Variants in LURAP1 observed in about 807,000 individuals in gnomAD.
The protein encoded by LURAP1 is NF-kappa-B activator C1orf190.
LURAP1 carries 14 observed loss-of-function variants against 19.0 expected under a neutral mutation model. That is an observed-to-expected ratio of 0.74 (90% confidence interval 0.49 to 1.15). The LOEUF is 1.15. LURAP1 is among the 50% of genes most tolerant of loss of function. The pLI, the probability that LURAP1 is intolerant of heterozygous loss-of-function variation, is 0.00. For synonymous variants in LURAP1, 129 were observed against 131.8 expected (o/e 0.98, Z 0.14); for missense variants, 273 against 309.1 (o/e 0.88, Z 0.87).
chr1:46,220,440 C>T lies in LURAP1; in HGVS notation c.*220C>T, dbSNP rs1659204358. ...TAGCTTGCTCTTTCTTTCTTTCTTT[C>T]TTTTTTTGAGACAGGGTCTTATGCT... On this transcript the variant is annotated 3_prime_UTR_variant, in exon 2 of 2. Transcript: ENST00000371980. 3.8e-6 allele frequency: 2 copies of T among 531,898 alleles called. No homozygotes were observed. The highest frequency in any genetic ancestry group is 3.5e-5 in the Admixed American group (1 of 28,242). 32.9% of individuals were successfully genotyped at this position (531,898 alleles called of 1,614,324 possible).
chr1:46,203,404 G>C lies in LURAP1; in HGVS notation c.-23G>C. ...CCGGTCCCCGGCGTCCGGTCGCCCA[G>C]CCCTTTTCAGGCTTGGGCCCGCATG... is the stretch of plus-strand genomic sequence containing the variant. On this transcript the variant is annotated 5_prime_UTR_variant, in exon 1 of 2. Transcript: ENST00000371980. 1 of 1,439,270 alleles carries C rather than the reference G, an allele frequency of 6.9e-7. No individual in the cohort carries two copies. Among genetic ancestry groups the C allele is most frequent in the African/African-American group, 1.5e-5 (1 of 67,362 alleles). 89.2% of individuals were successfully genotyped at this position (1,439,270 alleles called of 1,614,324 possible).
rs72899009 is a variant in LURAP1, at chr1:46,214,412, G to A, written c.199-5287G>A. On this transcript the variant is annotated intron_variant, in intron 1 of 1. Coordinates refer to ENST00000371980, the MANE Select transcript of LURAP1 (RefSeq NM_001013615.3). ...AAATGGAGATAATACAGAGAGATAC[G>A]AACTTATAAAAATCATTAAGCATAT... 8.2e-3 allele frequency among the ~76,000 whole-genome samples: 1,250 copies of A among 151,704 alleles called. 18 individuals carry two copies. Among genetic ancestry groups the A allele is most frequent in the Middle Eastern group, 0.037 (11 of 294 alleles).
At chr1:46,205,218 A>G (rs941145616) in intron 1 of LURAP1, among the ~76,000 whole-genome samples, 1 of 152,062 alleles carries the variant, frequency 6.6e-6, no homozygotes, top group Non-Finnish European at 1.5e-5. Context: ...AAATCGCACC[A>G]CTGCACTCCA....
intron 1 of LURAP1, among the ~76,000 whole-genome samples, chr1:46,204,731 G>T (rs537869712): frequency 6.6e-6 from 1 of 152,324 alleles, no homozygotes; most frequent in Non-Finnish European, 1.5e-5. Context: ...AAGGTTGGAG[G>T]TGAGTGCCCA....
chr1:46,212,577 G>A (rs1044787389), intron 1 of LURAP1, among the ~76,000 whole-genome samples: 2 of 151,012 alleles, frequency 1.3e-5, no homozygotes, highest in African/African-American at 2.4e-5. Flanking sequence ...CACTGCACCC[G>A]GCCAAATTTT....
At chr1:46,206,908 T>C (rs948851394) in intron 1 of LURAP1, among the ~76,000 whole-genome samples, 1 of 152,064 alleles carries the variant, frequency 6.6e-6, no homozygotes, top group Non-Finnish European at 1.5e-5. Context: ...ACATTTCTAG[T>C]ACAGGATGAT....
At chr1:46,209,312 C>A (rs1658820494) in intron 1 of LURAP1, among the ~76,000 whole-genome samples, 1 of 152,074 alleles carries the variant, frequency 6.6e-6, no homozygotes, top group African/African-American at 2.4e-5. Context: ...AGCCACCGCC[C>A]CCTGCCAAAG....
chr1:46,203,811 C>T (rs1658626426), intron 1 of LURAP1, among the ~76,000 whole-genome samples, 187 bp downstream of exon 1: 1 of 152,014 alleles, frequency 6.6e-6, no homozygotes, highest in Non-Finnish European at 1.5e-5. Context: ...TACTTGTCCC[C>T]CAAGAGTGAG....
At chr1:46,215,800 G>C (rs1488614984) in intron 1 of LURAP1, among the ~76,000 whole-genome samples, 1 of 152,114 alleles carries the variant, frequency 6.6e-6, no homozygotes, top group African/African-American at 2.4e-5. Flanking sequence ...AGGAGGCTGA[G>C]GCAGGAGGGT....
At chr1:46,212,542 A>G (rs1238720985) in intron 1 of LURAP1, among the ~76,000 whole-genome samples, 2 of 151,522 alleles carry the variant, frequency 1.3e-5, no homozygotes, top group Non-Finnish European at 2.9e-5. Flanking sequence ...TGGCCTCCCA[A>G]AGTGCTGGGA....
At chr1:46,212,437 C>T (rs1372559654) in intron 1 of LURAP1, among the ~76,000 whole-genome samples, 4 of 151,500 alleles carry the variant, frequency 2.6e-5, no homozygotes, top group Non-Finnish European at 4.4e-5. Context: ...TACACTGCCA[C>T]GCCCAGCGAA....
chr1:46,212,570 T>C (rs576325894), intron 1 of LURAP1, among the ~76,000 whole-genome samples: 18 of 150,802 alleles, frequency 1.2e-4, no homozygotes, highest in South Asian at 4.2e-4. Context: ...CGTGAGCCAC[T>C]GCACCCGGCC....
At position 46,203,337 on chromosome 1, in the gene LURAP1, T is replaced by G; in HGVS notation, c.-90T>G. On this transcript the variant is annotated 5_prime_UTR_variant, in exon 1 of 2. Coordinates refer to ENST00000371980, the MANE Select transcript of LURAP1 (RefSeq NM_001013615.3). Reference sequence around the variant, plus strand: ...GCCGCGCGGGCGGGGACCCACCGGTTTTGCTCCGCTTTAGCAGCGGCGAAG... The same window carrying G: ...GCCGCGCGGGCGGGGACCCACCGGTGTTGCTCCGCTTTAGCAGCGGCGAAG... 3 of 1,232,964 alleles carry G rather than the reference T, an allele frequency of 2.4e-6. No individual in the cohort carries two copies. The highest frequency in any genetic ancestry group is 2.2e-6 in the Non-Finnish European group (2 of 924,522). 76.4% of individuals were successfully genotyped at this position (1,232,964 alleles called of 1,614,324 possible). A position where few individuals can be genotyped will look rare whatever the true frequency, so the allele number is the denominator to read the frequency against.
At chr1:46,212,169 T>C (rs1387769564) in intron 1 of LURAP1, among the ~76,000 whole-genome samples, 1 of 152,216 alleles carries the variant, frequency 6.6e-6, no homozygotes, top group Non-Finnish European at 1.5e-5. Context: ...ACAAAAAACA[T>C]TTACTGTGTT....
chr1:46,214,458 A>G (rs1659001248), intron 1 of LURAP1, among the ~76,000 whole-genome samples: 1 of 152,240 alleles, frequency 6.6e-6, no homozygotes, highest in Non-Finnish European at 1.5e-5. Context: ...ATAAAAGATA[A>G]TACTGTAGCC....
intron 1 of LURAP1, among the ~76,000 whole-genome samples, chr1:46,212,264 C>T (rs1454175717): frequency 1.3e-5 from 2 of 151,674 alleles, no homozygotes; most frequent in African/African-American, 4.8e-5. Flanking sequence ...CCATGTATAA[C>T]ATAAACAACC....
At chr1:46,207,948 A>G (rs2148239737) in intron 1 of LURAP1, among the ~76,000 whole-genome samples, 1 of 151,270 alleles carries the variant, frequency 6.6e-6, no homozygotes, top group South Asian at 2.1e-4. Flanking sequence ...GCTCACTGCA[A>G]CCTCTGCCTC....
intron 1 of LURAP1, among the ~76,000 whole-genome samples, chr1:46,206,021 T>A (rs1371316064): frequency 6.6e-6 from 1 of 152,170 alleles, no homozygotes; most frequent in Non-Finnish European, 1.5e-5. Flanking sequence ...TCCTCTACCC[T>A]CCATTCAAAG....
At position 46,203,616 on chromosome 1, in the gene LURAP1, A is replaced by G. The variant is rs549837624; in HGVS notation, c.190A>G (p.Met64Val). 3.1e-6 allele frequency: 5 copies of G among 1,601,546 alleles called. No homozygotes were observed. In the Admixed American group the frequency reaches 8.6e-5, roughly 27 times the overall value. Residue 64 changes from methionine (M) to valine (V), a missense_variant, in exon 1 of 2, where the codon ATG becomes GTG. Met to Val is a conservative substitution (Grantham distance 21). Coordinates refer to ENST00000371980, the MANE Select transcript of LURAP1 (RefSeq NM_001013615.3). Reference sequence around the variant, plus strand: ...GGGGGACAAGATCATGGCGCTGAAGATGGAGCTGGTGAGTGCTGAATCCAT... The same window carrying G: ...GGGGGACAAGATCATGGCGCTGAAGGTGGAGCTGGTGAGTGCTGAATCCAT... ...DLGDKIMALK[M>V]ELAYLRAIDV...
Sources: allele counts gnomAD v4.1 joint callset (sites outside exome capture counted in the v4.1 genomes callset), GRCh38; gene constraint gnomAD v4.1.1; transcripts MANE v1.5; gene names NCBI Gene and HGNC (gene_info 2026-07-23, HGNC 2026-07-21).